VLDLR: variants seen among roughly 807,000 people sequenced by gnomAD.
VLDLR encodes very low-density lipoprotein receptor.
A neutral mutation model predicts 112.7 loss-of-function variants in VLDLR; 81 were observed. The observed-to-expected ratio is 0.72, with a 90% CI of 0.60 to 0.86. The LOEUF is 0.86. Among genes scored for constraint, VLDLR ranks in the 40% least tolerant of loss-of-function variants. VLDLR has a pLI of 0.00. For synonymous variants in VLDLR, 436 were observed against 384.8 expected (o/e 1.13, Z -1.56); for missense variants, 1,237 against 1,099.4 (o/e 1.13, Z -1.77).
chr9:2,628,433 T>A (rs35136375), intron 1 of VLDLR, among the ~76,000 whole-genome samples: 1,957 of 152,228 alleles, frequency 0.013, 31 homozygotes, highest in African/African-American at 0.044. Context: ...TTTGAGCTGT[T>A]AGCTCAGCCC....
At chr9:2,626,305 A>G (rs1166344844) in intron 1 of VLDLR, among the ~76,000 whole-genome samples, 2 of 152,206 alleles carry the variant, frequency 1.3e-5, no homozygotes, top group Non-Finnish European at 2.9e-5. Context: ...ACTATTTTTA[A>G]TGATTTTATA....
At chr9:2,627,908 C>A (rs1267954834) in intron 1 of VLDLR, among the ~76,000 whole-genome samples, 2 of 151,558 alleles carry the variant, frequency 1.3e-5, no homozygotes, top group Admixed American at 6.6e-5. Flanking sequence ...GGTGAAGGTA[C>A]CCTCATAGGC....
At chr9:2,634,484 C>T (rs749333800) in intron 1 of VLDLR, among the ~76,000 whole-genome samples, 115 of 152,300 alleles carry the variant, frequency 7.6e-4, no homozygotes, top group African/African-American at 1.0e-3. Context: ...CAATCACATC[C>T]GCCAGAAGGA....
intron 15 of VLDLR, 89 bp from the exon 16 acceptor site, chr9:2,651,326 A>G: frequency 1.7e-6 from 2 of 1,163,986 alleles, no homozygotes; most frequent in Non-Finnish European, 2.5e-6. Flanking sequence ...CCTGGTTTTA[A>G]AATAACCTTT....
chr9:2,652,909 T>C lies in VLDLR; in HGVS notation c.2546T>C (p.Ile849Thr), dbSNP rs116082439. The C allele has an allele frequency of 3.9e-5, 63 of 1,614,064 alleles. No homozygotes were observed. The highest frequency in any genetic ancestry group is 2.0e-4 in the African/African-American group (15 of 74,996). The change falls in exon 18 of 19, where the codon ATT (isoleucine) becomes ACT (threonine). Residue 849 changes from isoleucine (I) to threonine (T), a missense_variant. Transcript: ENST00000382100. ...ACTGAAGAGGACCTCTCCATAGACA[T>C]TGGTAGACACAGTGCTTCTGTTGGA... ...KTTEEDLSIDIGRHSASVGHT... is the reference protein window; with the variant it reads ...KTTEEDLSIDTGRHSASVGHT...
chr9:2,647,657 A>G (rs1818136149), intron 12 of VLDLR, 65 bp downstream of exon 12: 3 of 1,418,404 alleles, frequency 2.1e-6, no homozygotes, highest in South Asian at 1.1e-5. Flanking sequence ...ATTTATCTCC[A>G]TGGTGAATTC....
At chr9:2,650,259 C>A in intron 14 of VLDLR, 111 bp from the exon 15 acceptor site, 3 of 1,337,620 alleles carry the variant, frequency 2.2e-6, no homozygotes, top group Non-Finnish European at 3.2e-6. Context: ...GCAGAGTAGA[C>A]AAGTTTAAGC....
rs753939019 is a variant in VLDLR at position 2,645,037 on chromosome 9, C to T, written c.1267C>T (p.Arg423Cys). 28 of 1,613,980 alleles carry T rather than the reference C, an allele frequency of 1.7e-5. No individual in the cohort carries two copies. Among genetic ancestry groups the T allele is most frequent in the East Asian group, 2.2e-5 (1 of 44,888 alleles). ...AGGCGGTTACAAGTGTGAATGTAGT[C>T]GTGGCTATCAAATGGATCTTGCTAC... ...LKGGYKCECS[R>C]GYQMDLATGV... The change falls in exon 9 of 19, where the codon CGT becomes TGT. Residue 423 changes from arginine to cysteine, a missense_variant. By Grantham distance (180) the Arg-to-Cys change is radical. Transcript: ENST00000382100.
At chr9:2,646,926 G>C (rs942628626) in intron 11 of VLDLR, among the ~76,000 whole-genome samples, 20 of 152,174 alleles carry the variant, frequency 1.3e-4, no homozygotes, top group Admixed American at 5.9e-4. Flanking sequence ...AAACCTAAAC[G>C]ACAGCCTGAA....
At position 2,648,772 on chromosome 9, in the gene VLDLR, A is replaced by G; in HGVS notation, c.2066A>G (p.Gln689Arg). ...ATLVNNLNDA[Q>R]DIIVYHELVQ... ...CTAGTCAACAACCTGAATGATGCCC[A>G]AGACATCATTGTCTATCATGAACTT... The change falls in exon 14 of 19, where the codon CAA becomes CGA. Residue 689 changes from glutamine to arginine, a missense_variant. By Grantham distance (43) the Gln-to-Arg change is conservative. Coordinates refer to ENST00000382100, the MANE Select transcript of VLDLR (RefSeq NM_003383.5). 1.2e-6 allele frequency: 2 copies of G among 1,614,190 alleles called. No homozygotes were observed. The highest frequency in any genetic ancestry group is 1.7e-6 in the Non-Finnish European group (2 of 1,180,030).
chr9:2,630,687 G>A (rs1293122858), intron 1 of VLDLR, among the ~76,000 whole-genome samples: 7 of 152,170 alleles, frequency 4.6e-5, no homozygotes, highest in Admixed American at 1.3e-4. Flanking sequence ...CATGTCAACC[G>A]CTACAGGGAA....
At position 2,648,561 on chromosome 9, in the gene VLDLR, A is replaced by G. The variant is rs1818171218; in HGVS notation, c.1963-108A>G. 5.7e-6 allele frequency: 9 copies of G among 1,572,816 alleles called. No homozygotes were observed. In the South Asian group the frequency reaches 1.0e-4, roughly 18 times the overall value. On this transcript the variant is annotated intron_variant, in intron 13 of 18. Transcript: ENST00000382100. ...AGTTTTATATCCAGTGTCCCAGTTC[A>G]GCATTCAGTAAACTTAGTCCATTAA...
chr9:2,636,639 C>T (rs1586643547), intron 2 of VLDLR, among the ~76,000 whole-genome samples: 1 of 152,202 alleles, frequency 6.6e-6, no homozygotes. Flanking sequence ...AAGAAACTTA[C>T]ATCCAGTCTC....
chr9:2,627,480 T>C (rs2130762132), intron 1 of VLDLR, among the ~76,000 whole-genome samples: 1 of 152,262 alleles, frequency 6.6e-6, no homozygotes, highest in Non-Finnish European at 1.5e-5. Flanking sequence ...GGAACCTCTC[T>C]TTTCACATGG....
chr9:2,651,840 T>G, intron 16 of VLDLR, 34 bp from the exon 17 acceptor site: 2 of 1,612,410 alleles, frequency 1.2e-6, no homozygotes, highest in Non-Finnish European at 8.5e-7. Flanking sequence ...TGAATACAGA[T>G]CCTTCTAAAC....
chr9:2,653,932 G>A lies in VLDLR; in HGVS notation c.*64G>A, dbSNP rs919730879. The A allele has an allele frequency of 4.5e-6, 7 of 1,556,888 alleles. No homozygotes were observed. The African/African-American group carries it at 5.4e-5, about 12-fold the overall frequency. On this transcript the variant is annotated 3_prime_UTR_variant, in exon 19 of 19. Coordinates refer to ENST00000382100, the MANE Select transcript of VLDLR (RefSeq NM_003383.5). The stretch of plus-strand genomic sequence containing the variant: ...TAATACCCCCGTCGGAATGGTAACC[G>A]AGCCAGCAGCTGAAGTCTCTTTTTC...
In VLDLR at chr9:2,622,278, G is replaced by T; in HGVS notation, c.82+7G>T. 1.4e-6 allele frequency: 2 copies of T among 1,479,232 alleles called. No individual in the cohort carries two copies. The highest frequency in any genetic ancestry group is 1.8e-6 in the Non-Finnish European group (2 of 1,120,720). 91.6% of individuals were successfully genotyped at this position (1,479,232 alleles called of 1,614,324 possible). A position where few individuals can be genotyped will look rare whatever the true frequency, so the allele number is the denominator to read the frequency against. ...AGCGGCGCCACCGGAACCGGTGAGT[G>T]AGGACGCGCCCCTCCGCCGGCGGGC... On this transcript the variant is annotated splice_region_variant and intron_variant, in intron 1 of 18. Transcript: ENST00000382100.
At chr9:2,650,249 G>A in intron 14 of VLDLR, 121 bp from the exon 15 acceptor site, 2 of 1,196,646 alleles carry the variant, frequency 1.7e-6, no homozygotes, top group Non-Finnish European at 2.4e-6. Context: ...TGAAGGATTA[G>A]CAGAGTAGAC....
chr9:2,634,582 A>G (rs148360723), intron 1 of VLDLR, among the ~76,000 whole-genome samples: 334 of 152,358 alleles, frequency 2.2e-3, no homozygotes, highest in African/African-American at 7.7e-3. Context: ...GTCTTAGTTC[A>G]CACCATTGTG....
Sources: allele counts gnomAD v4.1 joint callset (sites outside exome capture counted in the v4.1 genomes callset), GRCh38; gene constraint gnomAD v4.1.1; transcripts MANE v1.5; gene names NCBI Gene and HGNC (gene_info 2026-07-23, HGNC 2026-07-21).